HTR1F: variants seen among roughly 807,000 people sequenced by gnomAD.
The protein encoded by HTR1F is 5-hydroxytryptamine receptor 1F, also known as 5-hydroxytryptamine (serotonin) receptor 1F, G protein-coupled.
Under a neutral mutation model 24.0 loss-of-function variants are expected in HTR1F, and 17 were observed. The observed-to-expected ratio is 0.71, with a 90% CI of 0.48 to 1.06. The LOEUF (loss-of-function observed/expected upper bound fraction) is 1.06. HTR1F is among the 50% of genes least tolerant of loss of function. HTR1F has a pLI of 0.00. For missense variants in HTR1F, 391 were observed against 427.8 expected, an observed-to-expected ratio of 0.91 and a Z score of 0.76; for synonymous variants, 186 against 156.8, an observed-to-expected ratio of 1.19 and a Z score of -1.39.
At chr3:87,834,283 G>A (rs1459903651) in intron 2 of HTR1F, among the ~76,000 whole-genome samples, 1 of 152,128 alleles carries the variant, frequency 6.6e-6, no homozygotes, top group Non-Finnish European at 1.5e-5. Context: ...CATAATACAT[G>A]TATATGTGTA....
intron 2 of HTR1F, among the ~76,000 whole-genome samples, chr3:87,852,945 G>C (rs1705119038): frequency 6.8e-6 from 1 of 147,378 alleles, no homozygotes; most frequent in Non-Finnish European, 1.5e-5. Flanking sequence ...ATCTGACATG[G>C]TTTAACTAAC....
chr3:87,858,572 T>A (rs1481507063), intron 2 of HTR1F, among the ~76,000 whole-genome samples: 1 of 152,160 alleles, frequency 6.6e-6, no homozygotes, highest in Non-Finnish European at 1.5e-5. Context: ...ACTAAAGTAC[T>A]ATATTTATGG....
At chr3:87,871,667 G>T (rs1705561442) in intron 2 of HTR1F, among the ~76,000 whole-genome samples, 1 of 152,048 alleles carries the variant, frequency 6.6e-6, no homozygotes, top group African/African-American at 2.4e-5. Flanking sequence ...GCCCCAAGAA[G>T]AAAGCAACTC....
chr3:87,942,043 A>C (rs1576067201), intron 2 of HTR1F, among the ~76,000 whole-genome samples: 1 of 152,060 alleles, frequency 6.6e-6, no homozygotes, highest in South Asian at 2.1e-4. Context: ...CAACTTGAAC[A>C]AGATGGGCAT....
chr3:87,944,125 A>G (rs1232604327), intron 2 of HTR1F, among the ~76,000 whole-genome samples: 1 of 152,120 alleles, frequency 6.6e-6, no homozygotes, highest in Non-Finnish European at 1.5e-5. Flanking sequence ...CTTGACCACA[A>G]AGAAAGGGGT....
chr3:87,952,584 A>G (rs1480404802), intron 2 of HTR1F, among the ~76,000 whole-genome samples: 1 of 152,036 alleles, frequency 6.6e-6, no homozygotes, highest in African/African-American at 2.4e-5. Flanking sequence ...AGGGCAATAA[A>G]GGAAATGATA....
At chr3:87,864,867 G>A (rs1575961546) in intron 2 of HTR1F, among the ~76,000 whole-genome samples, 1 of 147,456 alleles carries the variant, frequency 6.8e-6, no homozygotes, top group African/African-American at 2.6e-5. Flanking sequence ...CTGCATTCCA[G>A]CCTGGGTGAG....
chr3:87,937,639 T>C (rs1382372746), intron 2 of HTR1F, among the ~76,000 whole-genome samples: 1 of 151,666 alleles, frequency 6.6e-6, no homozygotes, highest in Non-Finnish European at 1.5e-5. Context: ...AAGAAAGAAA[T>C]AGGGCCAGGC....
At chr3:87,795,057 G>C (rs59395828) in intron 1 of HTR1F, among the ~76,000 whole-genome samples, 11,769 of 142,850 alleles carry the variant, frequency 0.082, 1,483 homozygotes, top group African/African-American at 0.29. Flanking sequence ...GCACAATCTC[G>C]GCTCACTGCA....
chr3:87,955,180 A>C (rs890934634), intron 2 of HTR1F, among the ~76,000 whole-genome samples: 3 of 151,528 alleles, frequency 2.0e-5, no homozygotes, highest in Non-Finnish European at 4.4e-5. Flanking sequence ...ACCACCTTTA[A>C]GAGACTCCTC....
intron 2 of HTR1F, among the ~76,000 whole-genome samples, chr3:87,934,917 G>A (rs989569473): frequency 6.6e-6 from 1 of 152,154 alleles, no homozygotes; most frequent in African/African-American, 2.4e-5. Context: ...CCAAGCTAGA[G>A]TGCAGTGGCA....
chr3:87,912,426 C>A (rs1375520987), intron 2 of HTR1F, among the ~76,000 whole-genome samples: 1 of 151,832 alleles, frequency 6.6e-6, no homozygotes, highest in Non-Finnish European at 1.5e-5. Flanking sequence ...AGAGATGATA[C>A]AAACAAATGG....
intron 2 of HTR1F, among the ~76,000 whole-genome samples, chr3:87,878,247 C>G (rs1875715): frequency 0.16 from 24,431 of 151,994 alleles, 2,273 homozygotes; most frequent in African/African-American, 0.25. Flanking sequence ...CATTTATGAA[C>G]CAGATCACTG....
chr3:87,921,786 G>C (rs1453682281), intron 2 of HTR1F, among the ~76,000 whole-genome samples: 1 of 151,720 alleles, frequency 6.6e-6, no homozygotes, highest in Non-Finnish European at 1.5e-5. Flanking sequence ...TGAACAACTT[G>C]TTTACCATAG....
intron 2 of HTR1F, among the ~76,000 whole-genome samples, chr3:87,875,936 A>G (rs1318125388): frequency 2.0e-5 from 3 of 152,074 alleles, no homozygotes. Flanking sequence ...AAAAAAAAAA[A>G]AAAAAGGGCA....
chr3:87,829,832 G>T (rs1161613242), intron 2 of HTR1F, among the ~76,000 whole-genome samples: 1 of 152,040 alleles, frequency 6.6e-6, no homozygotes, highest in African/African-American at 2.4e-5. Context: ...GTAATCAAAG[G>T]TATATACAAT....
chr3:87,845,267 C>A (rs1704913357), intron 2 of HTR1F, among the ~76,000 whole-genome samples: 1 of 151,688 alleles, frequency 6.6e-6, no homozygotes, highest in African/African-American at 2.4e-5. Context: ...AAAGGGTATT[C>A]AATTAGGAAA....
Position 87,869,454 on chromosome 3 carries a change from T to TAGATAGATA in HTR1F, c.-43+47330_-43+47331insAGATAGATA, listed in dbSNP as rs113301497. 3.9e-3 allele frequency among the ~76,000 whole-genome samples: 489 copies of TAGATAGATA among 124,598 alleles called. 2 individuals are homozygous for TAGATAGATA. The highest frequency in any genetic ancestry group is 8.3e-3 in the Middle Eastern group (2 of 240). 81.7% of individuals were successfully genotyped at this position (124,598 alleles called of 152,430 possible). A position where few individuals can be genotyped will look rare whatever the true frequency, so the allele number is the denominator to read the frequency against. ...ATAGATACATAGATAGATAGATAGA[T>TAGATAGATA]GATAGATAGATAGATAGATAGATAG... is the stretch of plus-strand genomic sequence containing the variant. On this transcript the variant is annotated intron_variant, in intron 2 of 2. Transcript: ENST00000319595.
intron 2 of HTR1F, among the ~76,000 whole-genome samples, chr3:87,886,654 A>T (rs1356469058): frequency 1.3e-5 from 2 of 152,206 alleles, no homozygotes; most frequent in Non-Finnish European, 2.9e-5. Flanking sequence ...TCAGGATACA[A>T]AATCAATGTG....
Sources: allele counts gnomAD v4.1 joint callset (sites outside exome capture counted in the v4.1 genomes callset), GRCh38; gene constraint gnomAD v4.1.1; transcripts MANE v1.5; gene names NCBI Gene and HGNC (gene_info 2026-07-23, HGNC 2026-07-21).